Variants in SSC5D observed in about 807,000 individuals in gnomAD.
The protein encoded by SSC5D is soluble scavenger receptor cysteine-rich domain-containing protein SSC5D.
SSC5D carries 106 observed loss-of-function variants against 104.6 expected under a neutral mutation model. The ratio of observed to expected loss-of-function variants is 1.01; its 90% CI spans 0.87 to 1.19. The LOEUF is 1.19. Ranked by LOEUF, SSC5D falls within the 50% of genes most tolerant of loss-of-function variation. SSC5D has a pLI of 0.00. For synonymous variants in SSC5D, 860 were observed against 883.5 expected (o/e 0.97, Z 0.47); for missense variants, 1,993 against 2,153.8 (o/e 0.93, Z 1.48).
intron 12 of SSC5D, among the ~76,000 whole-genome samples, chr19:55,508,203 A>G (rs1431795970): frequency 6.6e-6 from 1 of 152,104 alleles, no homozygotes; most frequent in East Asian, 1.9e-4. Context: ...GACTGCACAG[A>G]TAGACAGCTG....
chr19:55,515,132 G>A (rs1001510162), intron 13 of SSC5D, among the ~76,000 whole-genome samples: 7 of 152,170 alleles, frequency 4.6e-5, no homozygotes, highest in African/African-American at 4.8e-5. Context: ...GGTGGCTCAC[G>A]CCTGAAATTC....
At chr19:55,492,898 A>G (rs1010366864) in intron 6 of SSC5D, 1 of 152,072 alleles carries the variant, frequency 6.6e-6, no homozygotes, top group Admixed American at 6.6e-5. Context: ...ATGGTGGCGC[A>G]TGCCTGTAGT....
At chr19:55,488,937 C>T (rs1987038699) in intron 1 of SSC5D, 69 bp from the exon 2 acceptor site, 2 of 932,594 alleles carry the variant, frequency 2.1e-6, no homozygotes, top group Non-Finnish European at 3.4e-6. Context: ...AGATGAGGGG[C>T]CTGCGCTGGA....
chr19:55,511,927 T>C (rs1406011844), intron 12 of SSC5D, among the ~76,000 whole-genome samples: 3 of 152,260 alleles, frequency 2.0e-5, no homozygotes, highest in Non-Finnish European at 2.9e-5. Context: ...GTTCGGGTGA[T>C]GAAAGTGTTC....
rs1474185286 is a variant in SSC5D, at chr19:55,490,408, G to C, written c.586G>C (p.Glu196Gln). The C allele has an allele frequency of 1.5e-6, 2 of 1,312,192 alleles. No individual in the cohort carries two copies. The highest frequency in any genetic ancestry group is 2.1e-6 in the Non-Finnish European group (2 of 953,240). 81.3% of individuals were successfully genotyped at this position (1,312,192 alleles called of 1,614,324 possible). The part of the protein sequence containing the change: ...PLLTTGAPRQ[E>Q]RLRLVSGPHR... ...GCTGACGACAGGAGCCCCCCGCCAA[G>C]GTAAGCTCCCTGCAGGCTCCCCCGA... Residue 196 changes from glutamate to glutamine, a missense_variant and splice_region_variant, in exon 5 of 14, where the codon GAG becomes CAG. Physicochemically the swap from Glu to Gln is conservative, Grantham distance 29. Coordinates refer to ENST00000389623, the MANE Select transcript of SSC5D (RefSeq NM_001144950.2).
chr19:55,500,730 T>A lies in SSC5D; in HGVS notation c.2543T>A (p.Leu848Gln), dbSNP rs1480727134. The A allele has an allele frequency of 1.3e-6, 2 of 1,551,482 alleles. No individual in the cohort carries two copies. The highest frequency in any genetic ancestry group is 4.9e-5 in the East Asian group (2 of 40,922). The part of the protein sequence containing the change: ...DMGCKGSEAS[L>Q]SDCPSGAWGK... ...GGCTGTAAGGGAAGCGAGGCCTCAC[T>A]GAGCGACTGCCCCTCGGGGGCTTGG... The change falls in exon 11 of 14, where the codon CTG becomes CAG. Residue 848 changes from leucine to glutamine, a missense_variant. Leu to Gln is a moderately radical substitution (Grantham distance 113). Coordinates refer to ENST00000389623, the MANE Select transcript of SSC5D (RefSeq NM_001144950.2). The surrounding 1 kb of genome is among the most constrained non-coding windows in gnomAD (Gnocchi z 4.6).
At chr19:55,488,939 T>G in intron 1 of SSC5D, 67 bp from the exon 2 acceptor site, 1 of 403,812 alleles carries the variant, frequency 2.5e-6, no homozygotes, top group Admixed American at 6.4e-5. Context: ...ATGAGGGGCC[T>G]GCGCTGGAGA....
intron 8 of SSC5D, among the ~76,000 whole-genome samples, chr19:55,497,444 A>C (rs564554805): frequency 6.6e-6 from 1 of 152,364 alleles, no homozygotes; most frequent in African/African-American, 2.4e-5. Flanking sequence ...TTCATGTAAC[A>C]TAAAGTTAAC....
intron 9 of SSC5D, 63 bp downstream of exon 9, chr19:55,498,260 C>A: frequency 1.3e-6 from 2 of 1,505,388 alleles, no homozygotes; most frequent in Non-Finnish European, 1.8e-6. Context: ...CAGTAACTAA[C>A]ATGGGCACTA....
chr19:55,517,115 G>C, intron 13 of SSC5D, 109 bp from the exon 14 acceptor site: 1 of 1,036,208 alleles, frequency 9.7e-7, no homozygotes, highest in African/African-American at 1.6e-5. Context: ...ATGACGTCTC[G>C]AGGCTCTGTG....
chr19:55,500,500 G>A lies in SSC5D; in HGVS notation c.2313G>A (p.Arg771=). Residue 771 remains arginine (R), a synonymous_variant, in exon 11 of 14, where the codon CGG becomes CGA. Coordinates refer to ENST00000389623, the MANE Select transcript of SSC5D (RefSeq NM_001144950.2). This position sits in a 1 kb window ranked among gnomAD's most constrained non-coding sequence, Gnocchi z 4.6. ...GGGCCTTCCACGCAGGCCTGTTCCG[G>A]GTTCGTCTGGCCGATGGGCCCAACC... is the stretch of plus-strand genomic sequence containing the variant. The part of the protein sequence containing the change: ...VSTTGESGLF[R]VRLADGPNRC... The A allele has an allele frequency of 6.4e-7, 1 of 1,551,548 alleles. No homozygotes were observed. Among genetic ancestry groups the A allele is most frequent in the Non-Finnish European group, 8.7e-7 (1 of 1,146,880 alleles).
chr19:55,502,902 A>G (rs1201734394), intron 12 of SSC5D, among the ~76,000 whole-genome samples: 1 of 151,000 alleles, frequency 6.6e-6, no homozygotes, highest in Non-Finnish European at 1.5e-5. Flanking sequence ...TGCAACCTCC[A>G]CCTCCCGGGT....
Position 55,498,150 on chromosome 19 carries a change from G to T in SSC5D, c.1658G>T (p.Gly553Val). 4 of 1,551,786 alleles carry T rather than the reference G, an allele frequency of 2.6e-6. No individual in the cohort carries two copies. The highest frequency in any genetic ancestry group is 3.5e-6 in the Non-Finnish European group (4 of 1,147,016). ...TCCGACTGCCCTGCTGCTCCCTGGG[G>T]AAAGCACAACTGCGCTCACAATGAG... The part of the protein sequence containing the change: ...SLSDCPAAPW[G>V]KHNCAHNEDV... Residue 553 changes from glycine (G) to valine (V), a missense_variant, in exon 9 of 14, where the codon GGA (glycine) becomes GTA (valine). Physicochemically the swap from Gly to Val is moderately radical, Grantham distance 109. Around this residue, in one of 6 missense-constraint regions of SSC5D, gnomAD observed 1,101 missense variants for 1,085.0 expected, o/e 1.01. Transcript: ENST00000389623.
chr19:55,490,287 T>C lies in SSC5D; in HGVS notation c.476-11T>C. ...GCTCAGCTCCTGACCCCTGGCTGTC[T>C]CCACTCCCAGCCCCCCGCCCAGCTG... On this transcript the variant is annotated splice_polypyrimidine_tract_variant and intron_variant, in intron 4 of 13. Transcript: ENST00000389623. The C allele has an allele frequency of 2.4e-6, 2 of 837,780 alleles. No individual in the cohort carries two copies. The highest frequency in any genetic ancestry group is 4.0e-6 in the Non-Finnish European group (2 of 505,050). The allele number at this position is 837,780 out of a possible 1,614,324, so 51.9% of individuals were successfully genotyped here.
intron 12 of SSC5D, 114 bp downstream of exon 12, chr19:55,501,315 C>CTGGAAAGGTTTTCCT: frequency 1.5e-6 from 2 of 1,297,016 alleles, no homozygotes; most frequent in Non-Finnish European, 2.1e-6. Flanking sequence ...TCGGGGCACC[C>CTGGAAAGGTTTTCCT]TGGAAAGGTT....
intron 6 of SSC5D, 113 bp from the exon 7 acceptor site, chr19:55,493,482 T>C: frequency 1.1e-6 from 1 of 949,658 alleles, no homozygotes; most frequent in East Asian, 3.2e-5. Flanking sequence ...ATAGTGAAGA[T>C]GGAATATTTG....
chr19:55,493,107 A>G (rs944803633), intron 6 of SSC5D, among the ~76,000 whole-genome samples: 1 of 152,182 alleles, frequency 6.6e-6, no homozygotes, highest in Non-Finnish European at 1.5e-5. Flanking sequence ...AGTGGCTCTC[A>G]GCTGGCAAGG....
chr19:55,511,927 T>A (rs1406011844), intron 12 of SSC5D, among the ~76,000 whole-genome samples: 3 of 152,142 alleles, frequency 2.0e-5, no homozygotes, highest in East Asian at 1.9e-4. Flanking sequence ...GTTCGGGTGA[T>A]GAAAGTGTTC....
rs921554516 is a variant in SSC5D, at chr19:55,493,676, G to T, written c.977G>T (p.Gly326Val). 14 of 1,509,718 alleles carry T rather than the reference G, an allele frequency of 9.3e-6. No homozygotes were observed. The highest frequency in any genetic ancestry group is 1.2e-5 in the Non-Finnish European group (14 of 1,135,676). 93.5% of individuals were successfully genotyped at this position (1,509,718 alleles called of 1,614,324 possible). A position where few individuals can be genotyped will look rare whatever the true frequency, so the allele number is the denominator to read the frequency against. The part of the protein sequence containing the change: ...RLEVWHGGRW[G>V]SVCDDAWDLR... ...GAGGTCTGGCACGGGGGTCGCTGGG[G>T]GTCGGTGTGTGACGACGCCTGGGAC... Residue 326 changes from glycine (G) to valine (V), a missense_variant, in exon 7 of 14, where the codon GGG (glycine) becomes GTG (valine). Coordinates refer to ENST00000389623, the MANE Select transcript of SSC5D (RefSeq NM_001144950.2).
Sources: gnomAD v4.1 joint callset for allele counts (sites outside exome capture counted in the v4.1 genomes callset) on GRCh38, gnomAD v4.1.1 for gene constraint, gnomAD v4.1.1 regional missense constraint, Gnocchi (gnomAD v3.1) non-coding constraint, MANE v1.5 for transcripts, NCBI Gene and HGNC (gene_info 2026-07-23, HGNC 2026-07-21) for gene names.